GLB1L3: variants seen among roughly 807,000 people sequenced by gnomAD.
The protein encoded by GLB1L3 is beta-galactosidase-1-like protein 3.
GLB1L3 carries 89 observed loss-of-function variants against 89.5 expected under a neutral mutation model. That is an observed-to-expected ratio of 0.99 (90% CI 0.84 to 1.19). The LOEUF is 1.19. Among genes scored for constraint, GLB1L3 ranks in the 50% most tolerant of loss-of-function variants. GLB1L3 has a pLI of 0.00. For missense variants in GLB1L3, 812 were observed against 813.3 expected (o/e 1.00, Z 0.02); for synonymous variants, 314 against 312.3 (o/e 1.01, Z -0.06).
chr11:134,289,433 C>G (rs1941215342), intron 7 of GLB1L3, among the ~76,000 whole-genome samples: 3 of 152,014 alleles, frequency 2.0e-5, no homozygotes, highest in Admixed American at 1.3e-4. Context: ...TGAAAAAAAT[C>G]CGAGTATAAG....
At chr11:134,286,908 T>G (rs551759404) in intron 6 of GLB1L3, among the ~76,000 whole-genome samples, 11 of 148,566 alleles carry the variant, frequency 7.4e-5, no homozygotes, top group Non-Finnish European at 1.5e-4. Flanking sequence ...CACCTGTAAT[T>G]CCAGCACTTT....
chr11:134,300,956 C>T lies in GLB1L3; in HGVS notation c.877-6168C>T, dbSNP rs577445281. ...ATTCAGCCTGCAACAGAGACTTGCC[C>T]GGGATTCTCCCGAATCTCCCCTCAG... On this transcript the variant is annotated intron_variant, in intron 9 of 19. Coordinates refer to ENST00000431683, the MANE Select transcript of GLB1L3 (RefSeq NM_001080407.3). Among the ~76,000 whole-genome samples, 119 of 152,298 alleles carry T rather than the reference C, an allele frequency of 7.8e-4. 1 individual carries two copies. Among genetic ancestry groups the T allele is most frequent in the African/African-American group, 2.7e-3 (111 of 41,544 alleles).
chr11:134,308,463 ACCACCAC>A (rs1942471051), intron 10 of GLB1L3, among the ~76,000 whole-genome samples: 1 of 27,514 alleles, frequency 3.6e-5, no homozygotes, highest in Non-Finnish European at 6.7e-5. Context: ...CACCACCACC[ACCACCAC>A]CAAATACCAC....
chr11:134,317,952 G>A (rs1943050858), intron 18 of GLB1L3, among the ~76,000 whole-genome samples: 1 of 151,930 alleles, frequency 6.6e-6, no homozygotes, highest in Admixed American at 6.6e-5. Flanking sequence ...TTATTTTTCT[G>A]AATATTAACA....
chr11:134,285,349 C>T (rs921420854), intron 6 of GLB1L3, among the ~76,000 whole-genome samples: 5 of 152,118 alleles, frequency 3.3e-5, no homozygotes, highest in African/African-American at 1.2e-4. Flanking sequence ...TTGTACTGTG[C>T]GGTCTACAAG....
intron 6 of GLB1L3, among the ~76,000 whole-genome samples, chr11:134,288,130 A>G (rs1311725009): frequency 2.0e-5 from 3 of 152,218 alleles, no homozygotes; most frequent in Non-Finnish European, 2.9e-5. Context: ...AACTAGGTCA[A>G]TGTTGATGGT....
At chr11:134,310,542 G>A in intron 11 of GLB1L3, 29 bp from the exon 12 acceptor site, 1 of 1,579,152 alleles carries the variant, frequency 6.3e-7, no homozygotes, top group South Asian at 1.1e-5. Context: ...GAGACTGCAT[G>A]GCTGGTGACT....
intron 10 of GLB1L3, among the ~76,000 whole-genome samples, chr11:134,308,169 G>C (rs1271646): frequency 0.28 from 20,859 of 74,404 alleles, 2,906 homozygotes; most frequent in Middle Eastern, 0.42. Context: ...ACCACCACCA[G>C]CACCACCACC....
At chr11:134,281,106 A>C (rs962364384) in intron 3 of GLB1L3, among the ~76,000 whole-genome samples, 1 of 152,208 alleles carries the variant, frequency 6.6e-6, no homozygotes, top group Non-Finnish European at 1.5e-5. Context: ...TGAGTGTTAC[A>C]ATAGGGCAGT....
At chr11:134,296,568 C>G (rs1466558932) in intron 9 of GLB1L3, among the ~76,000 whole-genome samples, 3 of 146,496 alleles carry the variant, frequency 2.0e-5, no homozygotes, top group East Asian at 2.0e-4. Flanking sequence ...TGGAAATCAT[C>G]ATTCTCAGTA....
At chr11:134,307,534 T>C (rs564481575) in intron 10 of GLB1L3, among the ~76,000 whole-genome samples, 1 of 152,240 alleles carries the variant, frequency 6.6e-6, no homozygotes, top group Non-Finnish European at 1.5e-5. Flanking sequence ...CCTGCGCAGG[T>C]AAGGTTAGGT....
chr11:134,307,090 G>A lies in GLB1L3; in HGVS notation c.877-34G>A, dbSNP rs779666480. The A allele has an allele frequency of 3.5e-5, 54 of 1,530,216 alleles. No homozygotes were observed. The South Asian group carries it at 6.3e-4, about 18-fold the overall frequency. The allele number at this position is 1,530,216 out of a possible 1,614,324, so 94.8% of individuals were successfully genotyped here. On this transcript the variant is annotated intron_variant, in intron 9 of 19. Coordinates refer to ENST00000431683, the MANE Select transcript of GLB1L3 (RefSeq NM_001080407.3). The stretch of plus-strand genomic sequence containing the variant: ...TTCTGATTTTTCTTTTTTGTTTTTT[G>A]CCAGACTTAGTATTTGCTTTGGTTT...
At chr11:134,302,931 A>G (rs1007027226) in intron 9 of GLB1L3, among the ~76,000 whole-genome samples, 4 of 152,304 alleles carry the variant, frequency 2.6e-5, no homozygotes, top group Admixed American at 2.6e-4. Context: ...TAATATTTCT[A>G]TCATAATTGC....
Position 134,300,624 on chromosome 11 carries a change from G to A in GLB1L3, c.877-6500G>A, listed in dbSNP as rs181925091. 1.9e-3 allele frequency among the ~76,000 whole-genome samples: 288 copies of A among 152,052 alleles called. 1 individual carries two copies. The highest frequency in any genetic ancestry group is 2.9e-3 in the Non-Finnish European group (194 of 67,968). ...GCTGGGATTACAGGCGTGAGCCACC[G>A]CGCCCGGCCCCTATTGACCACATTT... On this transcript the variant is annotated intron_variant, in intron 9 of 19. Transcript: ENST00000431683.
At chr11:134,305,515 T>C (rs1443043208) in intron 9 of GLB1L3, among the ~76,000 whole-genome samples, 1 of 152,200 alleles carries the variant, frequency 6.6e-6, no homozygotes, top group Admixed American at 6.5e-5. Context: ...TTCTCAGTCC[T>C]TATTTTGATT....
chr11:134,287,993 C>G (rs902443566), intron 6 of GLB1L3, among the ~76,000 whole-genome samples: 1 of 152,190 alleles, frequency 6.6e-6, no homozygotes, highest in Non-Finnish European at 1.5e-5. Context: ...GGACAAAAAG[C>G]TCAGACCTTG....
Position 134,318,687 on chromosome 11 carries a change from T to C in GLB1L3, c.1836T>C (p.Asn612=), listed in dbSNP as rs374777807. ...GACGTAACCTTGGGCGATATTGGAA[T>C]ATTGGGCCTCAGAAAACACTGTACC... ...INGRNLGRYW[N]IGPQKTLYLP... is the part of the protein sequence containing the mutation. The change falls in exon 19 of 20, where the codon AAT becomes AAC. Residue 612 remains asparagine, a synonymous_variant. Coordinates refer to ENST00000431683, the MANE Select transcript of GLB1L3 (RefSeq NM_001080407.3). 1.2e-5 allele frequency: 19 copies of C among 1,613,164 alleles called. No homozygotes were observed. The highest frequency in any genetic ancestry group is 2.7e-5 in the African/African-American group (2 of 74,924).
intron 10 of GLB1L3, among the ~76,000 whole-genome samples, chr11:134,308,402 C>CACT (rs1942432430): frequency 9.9e-6 from 1 of 101,110 alleles, no homozygotes; most frequent in Non-Finnish European, 2.0e-5. Context: ...CCACCATCAC[C>CACT]ATCACCACCA....
chr11:134,324,578 G>A, the GLB1L3 span, among the ~76,000 whole-genome samples: 1 of 152,050 alleles, frequency 6.6e-6, no homozygotes, highest in Non-Finnish European at 1.5e-5. Flanking sequence ...GACCACTATC[G>A]TTTTTTCTTT....
Sources: gnomAD v4.1 joint callset for allele counts (sites outside exome capture counted in the v4.1 genomes callset) on GRCh38, gnomAD v4.1.1 for gene constraint, MANE v1.5 for transcripts, NCBI Gene and HGNC (gene_info 2026-07-23, HGNC 2026-07-21) for gene names.